FER: variants seen among roughly 807,000 people sequenced by gnomAD.
FER encodes tyrosine-protein kinase Fer.
Under a neutral mutation model 111.0 loss-of-function variants are expected in FER, and 63 were observed. The observed-to-expected ratio is 0.57, with a 90% confidence interval of 0.46 to 0.70. The LOEUF is 0.70. Among genes scored for constraint, FER ranks in the 30% least tolerant of loss-of-function variants. The pLI is 0.00. For synonymous variants in FER, 327 were observed against 313.9 expected (o/e 1.04, Z -0.44); for missense variants, 914 against 954.0 (o/e 0.96, Z 0.55).
At chr5:108,821,473 T>C (rs1393719630) in intron 3 of FER, among the ~76,000 whole-genome samples, 4 of 152,304 alleles carry the variant, frequency 2.6e-5, no homozygotes, top group African/African-American at 9.6e-5. Context: ...TTGAAAATTA[T>C]TATATTATCA....
chr5:109,162,012 T>C (rs540928645), intron 17 of FER, among the ~76,000 whole-genome samples: 1 of 152,258 alleles, frequency 6.6e-6, no homozygotes, highest in South Asian at 2.1e-4. Flanking sequence ...CTATCAATGA[T>C]GAGTTTTTCA....
intron 17 of FER, among the ~76,000 whole-genome samples, chr5:109,107,738 T>C (rs974128149): frequency 6.6e-6 from 1 of 152,108 alleles, no homozygotes; most frequent in Non-Finnish European, 1.5e-5. Flanking sequence ...TTTTTGTCTT[T>C]CCCTGTGTGT....
intron 13 of FER, among the ~76,000 whole-genome samples, chr5:108,998,306 C>T (rs752342912): frequency 1.3e-5 from 2 of 151,862 alleles, no homozygotes; most frequent in Non-Finnish European, 2.9e-5. Context: ...TCCTGGTCTG[C>T]GGATTGTGAA....
chr5:109,075,081 A>G (rs1001460128), intron 16 of FER, among the ~76,000 whole-genome samples: 3 of 152,150 alleles, frequency 2.0e-5, no homozygotes, highest in African/African-American at 7.2e-5. Flanking sequence ...TTAGCTTTCT[A>G]ACTTTTCCTG....
chr5:109,131,734 T>C (rs1223657693), intron 17 of FER, among the ~76,000 whole-genome samples: 2 of 152,182 alleles, frequency 1.3e-5, no homozygotes, highest in African/African-American at 4.8e-5. Flanking sequence ...AGCCATCATA[T>C]GCCATTATGG....
intron 2 of FER, among the ~76,000 whole-genome samples, chr5:108,793,071 T>C (rs181530848): frequency 6.6e-6 from 1 of 152,202 alleles, no homozygotes; most frequent in Non-Finnish European, 1.5e-5. Flanking sequence ...AAATTATTAT[T>C]GACTATAGTC....
chr5:109,170,643 A>G (rs577572524), intron 17 of FER, among the ~76,000 whole-genome samples: 10 of 152,160 alleles, frequency 6.6e-5, no homozygotes, highest in Non-Finnish European at 1.3e-4. Context: ...AATGGTTACC[A>G]ATATTCTTAC....
At chr5:109,048,891 T>C (rs1772357127) in intron 16 of FER, among the ~76,000 whole-genome samples, 1 of 152,164 alleles carries the variant, frequency 6.6e-6, no homozygotes, top group Non-Finnish European at 1.5e-5. Context: ...TTTGCAGTTA[T>C]CTATACAATT....
intron 5 of FER, among the ~76,000 whole-genome samples, chr5:108,850,121 G>A (rs1317997240): frequency 6.6e-6 from 1 of 151,880 alleles, no homozygotes; most frequent in Non-Finnish European, 1.5e-5. Context: ...CTTGAACCTG[G>A]GAGGTGGAGG....
intron 3 of FER, 21 bp downstream of exon 3, chr5:108,798,410 C>G: frequency 6.4e-7 from 1 of 1,562,446 alleles, no homozygotes; most frequent in Non-Finnish European, 8.8e-7. Context: ...TAATTTCACT[C>G]TTTGTTATTT....
At chr5:109,072,962 T>A (rs1186794742) in intron 16 of FER, among the ~76,000 whole-genome samples, 1 of 152,102 alleles carries the variant, frequency 6.6e-6, no homozygotes. Flanking sequence ...CATAGCCTTC[T>A]TCCCTCTGTG....
chr5:109,103,701 T>C (rs1425828027), intron 17 of FER, among the ~76,000 whole-genome samples: 1 of 152,212 alleles, frequency 6.6e-6, no homozygotes, highest in African/African-American at 2.4e-5. Flanking sequence ...ATGAACTGTT[T>C]GAAATACACT....
chr5:108,882,445 T>C (rs1765774684), intron 8 of FER, among the ~76,000 whole-genome samples: 1 of 152,070 alleles, frequency 6.6e-6, no homozygotes, highest in African/African-American at 2.4e-5. Flanking sequence ...ACTTCCGTTG[T>C]GTTAAGCATA....
intron 9 of FER, among the ~76,000 whole-genome samples, chr5:108,890,875 T>C (rs1403978991): frequency 2.4e-4 from 37 of 152,166 alleles, no homozygotes; most frequent in Admixed American, 2.4e-3. Context: ...TAGGTTTTTA[T>C]GTGAACATAA....
intron 19 of FER, 71 bp from the exon 20 acceptor site, chr5:109,187,362 T>G: frequency 1.3e-6 from 2 of 1,507,684 alleles, no homozygotes; most frequent in South Asian, 1.2e-5. Flanking sequence ...AATAACTGCA[T>G]AATGCCCTGT....
intron 16 of FER, among the ~76,000 whole-genome samples, chr5:109,068,591 G>A (rs1246969040): frequency 6.6e-6 from 1 of 152,180 alleles, no homozygotes; most frequent in East Asian, 1.9e-4. Context: ...CTTTTGCCAG[G>A]CTAAACATGA....
chr5:108,817,901 ATAGTCT>A (rs1309523930), intron 3 of FER: 2 of 152,186 alleles, frequency 1.3e-5, no homozygotes, highest in Admixed American at 6.5e-5. Context: ...ATTTACCTCT[ATAGTCT>A]TCCTAAGCAT....
chr5:109,087,938 TA>T (rs1267740172), intron 16 of FER, among the ~76,000 whole-genome samples: 3 of 151,926 alleles, frequency 2.0e-5, no homozygotes, highest in Non-Finnish European at 1.5e-5. Flanking sequence ...TATAAAGTAT[TA>T]TAACAATGTT....
intron 2 of FER, 21 bp from the exon 3 acceptor site, chr5:108,798,103 C>G: frequency 1.2e-6 from 1 of 805,252 alleles, no homozygotes; most frequent in East Asian, 3.3e-5. Context: ...AAGAGTTTTT[C>G]TCTTTTGTTT....
Sources: allele counts gnomAD v4.1 joint callset (sites outside exome capture counted in the v4.1 genomes callset), GRCh38; gene constraint gnomAD v4.1.1; transcripts MANE v1.5; gene names NCBI Gene and HGNC (gene_info 2026-07-23, HGNC 2026-07-21).